The following ANKRD24 variants were observed in gnomAD, a reference collection of about 807,000 sequenced individuals.
ANKRD24 encodes ankyrin repeat domain 24, also known as ankyrin repeat domain-containing protein 24.
In ANKRD24, 109 loss-of-function variants were observed where a neutral mutation model predicts 127.8. The ratio of observed to expected loss-of-function variants is 0.85; its 90% CI spans 0.73 to 1.00. The LOEUF is 1.00. Among genes scored for constraint, ANKRD24 ranks in the 50% least tolerant of loss-of-function variants. The pLI is 0.00. For missense variants in ANKRD24, 1,648 were observed against 1,570.2 expected, an observed-to-expected ratio of 1.05 and a Z score of -0.84; for synonymous variants, 743 against 671.1, an observed-to-expected ratio of 1.11 and a Z score of -1.66.
chr19:4,220,164 G>C (rs1380106643), intron 19 of ANKRD24, among the ~76,000 whole-genome samples: 3 of 152,046 alleles, frequency 2.0e-5, no homozygotes, highest in African/African-American at 7.2e-5. Flanking sequence ...GTAGAGATGG[G>C]GTTTCGTCAC....
intron 20 of ANKRD24, among the ~76,000 whole-genome samples, chr19:4,223,402 T>TATATATATATATATATATATA (rs1491398712): frequency 4.9e-5 from 2 of 40,464 alleles, no homozygotes; most frequent in African/African-American, 2.4e-4. Context: ...TATATATATA[T>TATATATATATATATATATATA]TTTTTTTTTT....
intron 15 of ANKRD24, among the ~76,000 whole-genome samples, chr19:4,213,986 ACT>A (rs1310569731): frequency 1.3e-5 from 2 of 151,692 alleles, no homozygotes; most frequent in Non-Finnish European, 1.5e-5. Context: ...ATGGATAACC[ACT>A]CTCTATGCAC....
chr19:4,211,259 C>T (rs10402917), intron 13 of ANKRD24, among the ~76,000 whole-genome samples: 28,953 of 152,014 alleles, frequency 0.19, 3,500 homozygotes, highest in African/African-American at 0.33. Flanking sequence ...GTATGGGCGT[C>T]GTCAATATTG....
rs1428104226 is a variant in ANKRD24, at chr19:4,198,022, G to A, written c.37-1661G>A. 1 of 408,628 alleles carries A rather than the reference G, an allele frequency of 2.4e-6. No individual in the cohort carries two copies. Among genetic ancestry groups the A allele is most frequent in the Non-Finnish European group, 4.3e-6 (1 of 231,004 alleles). 25.3% of individuals were successfully genotyped at this position (408,628 alleles called of 1,614,324 possible). On this transcript the variant is annotated intron_variant, in intron 2 of 21. Coordinates refer to ENST00000318934, the MANE Select transcript of ANKRD24 (RefSeq NM_001393985.1). This position sits in a 1 kb window ranked among gnomAD's most constrained non-coding sequence, Gnocchi z 6.1. ...GTGAATGAATGAAAGTGTGAGTGGC[G>A]AGAGCCCTGCCGGCCGCGTGGAGGT...
intron 5 of ANKRD24, among the ~76,000 whole-genome samples, chr19:4,201,111 T>G (rs1390912469): frequency 6.6e-6 from 1 of 152,076 alleles, no homozygotes. Flanking sequence ...GGGAGTAGCT[T>G]GAGCTCTTGG....
rs181377102 is a variant in ANKRD24 at position 4,195,392 on chromosome 19, T to C, written c.37-4291T>C. On this transcript the variant is annotated intron_variant, in intron 2 of 21. Coordinates refer to ENST00000318934, the MANE Select transcript of ANKRD24 (RefSeq NM_001393985.1). This position sits in a 1 kb window ranked among gnomAD's most constrained non-coding sequence, Gnocchi z 4.2. ...CCTGGCCATTTGCTCTGATCTTGTA[T>C]GGCATCCAGGAGGACAAGTGTAGGA... Among the ~76,000 whole-genome samples, 1 of 152,198 alleles carries C rather than the reference T, an allele frequency of 6.6e-6. No individual in the cohort carries two copies. Among genetic ancestry groups the C allele is most frequent in the East Asian group, 1.9e-4 (1 of 5,164 alleles).
intron 13 of ANKRD24, among the ~76,000 whole-genome samples, chr19:4,211,699 G>A (rs1200531992): frequency 6.6e-6 from 1 of 152,064 alleles, no homozygotes; most frequent in African/African-American, 2.4e-5. Flanking sequence ...GTGAATGAGT[G>A]GATGGAACGG....
intron 19 of ANKRD24, among the ~76,000 whole-genome samples, chr19:4,221,427 A>C (rs1970436702): frequency 6.6e-6 from 1 of 151,222 alleles, no homozygotes; most frequent in Non-Finnish European, 1.5e-5. Context: ...ATGGGGTTTC[A>C]CCATATTGCC....
In ANKRD24 at chr19:4,212,508, A is replaced by G. The variant is rs565231799; in HGVS notation, c.1093A>G (p.Arg365Gly). ...GGCCAGCTCCCTGCACATCCTGGAG[A>G]GACAGGTAGGTGGGAAGGTGGGGAG... ...PEASSLHILE[R>G]QVQELQQLLV... The change falls in exon 14 of 22, where the codon AGA (arginine) becomes GGA (glycine). Residue 365 changes from arginine (R) to glycine (G), a missense_variant. By Grantham distance (125) the Arg-to-Gly change is moderately radical. Transcript: ENST00000318934. 4 of 1,562,906 alleles carry G rather than the reference A, an allele frequency of 2.6e-6. No individual in the cohort carries two copies. The highest frequency in any genetic ancestry group is 3.9e-5 in the Admixed American group (2 of 51,794).
chr19:4,201,920 C>A, intron 5 of ANKRD24, 106 bp from the exon 6 acceptor site: 1 of 990,610 alleles, frequency 1.0e-6, no homozygotes, highest in Non-Finnish European at 1.6e-6. Context: ...GGTTTACGGA[C>A]TTTGCTAGAC....
intron 2 of ANKRD24, among the ~76,000 whole-genome samples, chr19:4,197,332 A>T (rs1016509547): frequency 1.3e-5 from 2 of 151,984 alleles, no homozygotes; most frequent in African/African-American, 4.8e-5. Context: ...GAATGAACGA[A>T]TGGGCGTGCC....
chr19:4,189,057 G>A (rs1411978756), intron 2 of ANKRD24, among the ~76,000 whole-genome samples: 5 of 148,232 alleles, frequency 3.4e-5, no homozygotes, highest in Admixed American at 2.7e-4. Context: ...TGATTTGCCC[G>A]CCTCAGCCTC....
Position 4,215,974 on chromosome 19 carries a change from C to A in ANKRD24, c.1198-4C>A, listed in dbSNP as rs781002934. The A allele has an allele frequency of 1.5e-5, 23 of 1,583,316 alleles. No homozygotes were observed. In the African/African-American group the frequency reaches 2.3e-4, roughly 16 times the overall value. ...CCGAGCTGGACTCTGCTCCCTCCCC[C>A]CAGAACGAGCGGGAGAATACTAGCT... On this transcript the variant is annotated splice_polypyrimidine_tract_variant and splice_region_variant and intron_variant, in intron 15 of 21. Transcript: ENST00000318934.
chr19:4,196,151 T>TC (rs1968723438), intron 2 of ANKRD24, among the ~76,000 whole-genome samples: 1 of 152,152 alleles, frequency 6.6e-6, no homozygotes. Context: ...CCACAGTGCT[T>TC]CCTTGGTGCC....
intron 19 of ANKRD24, among the ~76,000 whole-genome samples, chr19:4,220,851 G>A (rs571207897): frequency 4.6e-5 from 7 of 151,694 alleles, no homozygotes; most frequent in Non-Finnish European, 5.9e-5. Flanking sequence ...CACCGCGACC[G>A]GCCTCACACA....
intron 1 of ANKRD24, 73 bp from the exon 2 acceptor site, chr19:4,186,317 G>T: frequency 6.5e-7 from 1 of 1,535,184 alleles, no homozygotes; most frequent in Non-Finnish European, 8.8e-7. Context: ...CTTTTGAGGA[G>T]GGCGAGGCAA....
intron 2 of ANKRD24, among the ~76,000 whole-genome samples, chr19:4,186,696 A>G (rs530856781): frequency 6.9e-4 from 105 of 151,920 alleles, no homozygotes; most frequent in African/African-American, 2.4e-3. Context: ...ATTGCCACCA[A>G]TCAGACCCTC....
intron 5 of ANKRD24, 94 bp downstream of exon 5, chr19:4,200,265 T>G: frequency 1.5e-6 from 2 of 1,320,502 alleles, no homozygotes; most frequent in Non-Finnish European, 2.0e-6. Context: ...GTCTCAATGT[T>G]CCCCGCTGAA....
At chr19:4,187,553 T>C (rs763508626) in intron 2 of ANKRD24, among the ~76,000 whole-genome samples, 4 of 152,220 alleles carry the variant, frequency 2.6e-5, no homozygotes, top group Non-Finnish European at 4.4e-5. Context: ...TCTTTGGCTA[T>C]GAACTCCTAG....
Sources: allele counts gnomAD v4.1 joint callset (sites outside exome capture counted in the v4.1 genomes callset), GRCh38; gene constraint gnomAD v4.1.1; non-coding constraint Gnocchi (gnomAD v3.1); transcripts MANE v1.5; gene names NCBI Gene and HGNC (gene_info 2026-07-23, HGNC 2026-07-21).